The following SYNE1 variants were observed in gnomAD, a reference collection of about 807,000 sequenced individuals.
The protein encoded by SYNE1 is nesprin-1.
In SYNE1, 616 loss-of-function variants were observed where a neutral mutation model predicts 1,111.0. The ratio of observed to expected loss-of-function variants is 0.55; its 90% CI spans 0.52 to 0.59. The LOEUF (loss-of-function observed/expected upper bound fraction) is 0.59. Ranked by LOEUF, SYNE1 falls within the 20% of genes least tolerant of loss-of-function variation. The pLI, the probability that SYNE1 is intolerant of heterozygous loss-of-function variation, is 0.00. For synonymous variants in SYNE1, 3,855 were observed against 3,825.8 expected (o/e 1.01, Z -0.28); for missense variants, 10,006 against 10,417.0 (o/e 0.96, Z 1.72).
intron 58 of SYNE1, among the ~76,000 whole-genome samples, chr6:152,374,942 T>G (rs1362339784): frequency 1.3e-5 from 2 of 151,900 alleles, no homozygotes; most frequent in Non-Finnish European, 2.9e-5. Flanking sequence ...TTTATTTTAT[T>G]TTATTTTATT....
intron 106 of SYNE1, among the ~76,000 whole-genome samples, chr6:152,243,234 A>G (rs755977435): frequency 6.6e-6 from 1 of 152,208 alleles, no homozygotes; most frequent in Non-Finnish European, 1.5e-5. Context: ...TTTCAGAGCA[A>G]TTGAATATAA....
intron 3 of SYNE1, among the ~76,000 whole-genome samples, chr6:152,624,024 G>A (rs537610346): frequency 6.6e-6 from 1 of 152,196 alleles, no homozygotes; most frequent in East Asian, 1.9e-4. Flanking sequence ...AAATTTTCAA[G>A]AGGAGATTGT....
chr6:152,290,231 A>G (rs1034287280), intron 95 of SYNE1, among the ~76,000 whole-genome samples: 10 of 152,188 alleles, frequency 6.6e-5, no homozygotes, highest in Non-Finnish European at 1.5e-4. Flanking sequence ...GCCACAAGTC[A>G]GCTCATGAAC....
intron 43 of SYNE1, 28 bp from the exon 44 acceptor site, chr6:152,409,254 A>G: frequency 6.2e-7 from 1 of 1,606,542 alleles, no homozygotes; most frequent in Non-Finnish European, 8.5e-7. Context: ...CTTAATTAAT[A>G]AAATAGTCAG....
chr6:152,530,140 G>C (rs2099189073), intron 4 of SYNE1, among the ~76,000 whole-genome samples: 1 of 152,200 alleles, frequency 6.6e-6, no homozygotes, highest in Non-Finnish European at 1.5e-5. Flanking sequence ...CTTAAAGACA[G>C]GCCCGTCTTT....
chr6:152,287,522 C>A (rs1394238556), intron 95 of SYNE1, among the ~76,000 whole-genome samples: 1 of 152,076 alleles, frequency 6.6e-6, no homozygotes, highest in Non-Finnish European at 1.5e-5. Context: ...TATATATTTT[C>A]CCACACATTT....
At position 152,242,341 on chromosome 6, in the gene SYNE1, G is replaced by C; in HGVS notation, c.19792C>G (p.Leu6598Val). 6.2e-7 allele frequency: 1 copy of C among 1,614,018 alleles called. No homozygotes were observed. The change falls in exon 107 of 146, where the codon CTG (leucine) becomes GTG (valine). Residue 6598 changes from leucine (L) to valine (V), a missense_variant. Leu to Val is a conservative substitution (Grantham distance 32). Around this residue, in one of 7 missense-constraint regions of SYNE1, gnomAD observed 2,182 missense variants for 2,287.8 expected, o/e 0.95. Transcript: ENST00000367255. ...KSQYERALQD[L>V]ADLLETGQEK... ...TGACCAGTTTCTAGCAGGTCAGCCA[G>C]ATCTTGTAGGGCCCTCTCATACTGA...
rs956113587 is a variant in SYNE1, at chr6:152,212,306, C to A, written c.22495-718G>T. Among the ~76,000 whole-genome samples the A allele has an allele frequency of 6.6e-5, 10 of 152,266 alleles. 1 individual carries two copies. Among genetic ancestry groups the A allele is most frequent in the East Asian group, 1.9e-4 (1 of 5,184 alleles). On this transcript the variant is annotated intron_variant, in intron 123 of 145. Coordinates refer to ENST00000367255, the MANE Select transcript of SYNE1 (RefSeq NM_182961.4). The stretch of plus-strand genomic sequence containing the variant: ...TTCTTCCCAATCCTCCAGCCTTCAG[C>A]AACCACTCATCTATTTTATGTCTCT...
chr6:152,271,511 T>C (rs2093207110), intron 98 of SYNE1, among the ~76,000 whole-genome samples: 1 of 152,192 alleles, frequency 6.6e-6, no homozygotes, highest in South Asian at 2.1e-4. Context: ...AATGGGTGAC[T>C]AGTGACACTA....
At chr6:152,435,577 C>T in intron 33 of SYNE1, 1 of 254,550 alleles carries the variant, frequency 3.9e-6, no homozygotes, top group East Asian at 7.9e-5. Context: ...CAAAATATCT[C>T]CTTTTCGCTC....
intron 112 of SYNE1, 59 bp from the exon 113 acceptor site, chr6:152,232,324 C>A: frequency 6.4e-7 from 1 of 1,571,772 alleles, no homozygotes; most frequent in South Asian, 1.1e-5. Context: ...CCAACTTCTG[C>A]TAACTTAAAA....
chr6:152,435,584 G>A (rs555529038), intron 33 of SYNE1: 68 of 258,818 alleles, frequency 2.6e-4, no homozygotes, highest in African/African-American at 1.4e-3. Flanking sequence ...TCTCCTTTTC[G>A]CTCTAAATGG....
At chr6:152,435,312 T>C (rs2098463377) in intron 33 of SYNE1, 1 of 152,068 alleles carries the variant, frequency 6.6e-6, no homozygotes, top group African/African-American at 2.4e-5. Context: ...TGTATCCTCA[T>C]ATGTTTTTCC....
chr6:152,594,648 AT>A (rs1228140852), intron 3 of SYNE1, among the ~76,000 whole-genome samples: 2 of 152,222 alleles, frequency 1.3e-5, no homozygotes, highest in Non-Finnish European at 2.9e-5. Context: ...AAAACAATTC[AT>A]TAAAATAAAT....
intron 4 of SYNE1, among the ~76,000 whole-genome samples, chr6:152,528,026 C>A (rs1056853336): frequency 2.0e-5 from 3 of 152,156 alleles, no homozygotes; most frequent in African/African-American, 7.2e-5. Context: ...AGCCTACTGG[C>A]CCCTCTGCAT....
rs114954026 is a variant in SYNE1, at chr6:152,369,015, G to A, written c.9764C>T (p.Ser3255Leu). 1,835 of 1,614,140 alleles carry A rather than the reference G, an allele frequency of 1.1e-3. 16 individuals are homozygous for A. The African/African-American group carries it at 0.022, about 19-fold the overall frequency. ...CGCTAGATACTGAGAAGACAGCTGC[G>A]ACACTCTGTGCCTAAAGCTCTTGCT... is the stretch of plus-strand genomic sequence containing the variant. ...AASKSFRHRV[S>L]QLSSQYLALS... The change falls in exon 61 of 146, where the codon TCG becomes TTG. Residue 3255 changes from serine (S) to leucine (L), a missense_variant. By Grantham distance (145) the Ser-to-Leu change is moderately radical (BLOSUM62 -2). Around this residue, in one of 7 missense-constraint regions of SYNE1, gnomAD observed 4,955 missense variants for 5,017.2 expected, o/e 0.99. Coordinates refer to ENST00000367255, the MANE Select transcript of SYNE1 (RefSeq NM_182961.4).
chr6:152,461,615 G>C lies in SYNE1; in HGVS notation c.2376C>G (p.Leu792=). 1 of 1,613,968 alleles carries C rather than the reference G, an allele frequency of 6.2e-7. No homozygotes were observed. Among genetic ancestry groups the C allele is most frequent in the Middle Eastern group, 1.6e-4 (1 of 6,062 alleles). Residue 792 remains leucine, a synonymous_variant, in exon 21 of 146, where the codon CTC becomes CTG. Transcript: ENST00000367255. ...GKEMFATMSK[L]KEQLTKVKEC... ...TTCGCACCTTGGTTAGCTGCTCTTT[G>C]AGCTTTGACATGGTCGCAAACATTT...
At position 152,369,192 on chromosome 6, in the gene SYNE1, GCC is replaced by G. The variant is rs2097136244; in HGVS notation, c.9652-67_9652-66del. On this transcript the variant is annotated intron_variant, in intron 60 of 145. Transcript: ENST00000367255. Reference sequence around the variant, plus strand: ...AAAGCACATCGCGGACGAAGCTTTGGCCCAGAGAACATGGAAATCAACACTGG... The same window carrying G: ...AAAGCACATCGCGGACGAAGCTTTGGCAGAGAACATGGAAATCAACACTGG... The G allele has an allele frequency of 5.7e-6, 9 of 1,587,790 alleles. No individual in the cohort carries two copies. The South Asian group carries it at 7.9e-5, about 14-fold the overall frequency.
rs767384323 is a variant in SYNE1 at position 152,450,715 on chromosome 6, T to C, written c.3305A>G (p.His1102Arg). The part of the protein sequence containing the change: ...DPVRDTPGTC[H>R]VTLKELRAAI... ...AGCTCTGAGCTCTTTGAGAGTCACG[T>C]GACAGGTTCCAGGTGTGTCCCTTAC... The change falls in exon 27 of 146, where the codon CAC becomes CGC. Residue 1102 changes from histidine (H) to arginine (R), a missense_variant. Coordinates refer to ENST00000367255, the MANE Select transcript of SYNE1 (RefSeq NM_182961.4). 1.9e-6 allele frequency: 3 copies of C among 1,614,126 alleles called. No homozygotes were observed. The highest frequency in any genetic ancestry group is 2.5e-6 in the Non-Finnish European group (3 of 1,180,014).
Sources: gnomAD v4.1 joint callset for allele counts (sites outside exome capture counted in the v4.1 genomes callset) on GRCh38, gnomAD v4.1.1 for gene constraint, gnomAD v4.1.1 regional missense constraint, MANE v1.5 for transcripts, NCBI Gene and HGNC (gene_info 2026-07-23, HGNC 2026-07-21) for gene names.